MAF: variants seen among roughly 807,000 people sequenced by gnomAD.
The protein encoded by MAF is MAF bZIP transcription factor.
MAF carries 10 observed loss-of-function variants against 22.0 expected under a neutral mutation model. The observed-to-expected ratio is 0.45, with a 90% confidence interval of 0.28 to 0.77. The LOEUF is 0.77. Among genes scored for constraint, MAF ranks in the 30% least tolerant of loss-of-function variants. The pLI is 0.12. For missense variants in MAF, 544 were observed against 548.4 expected, an observed-to-expected ratio of 0.99 and a Z score of 0.08; for synonymous variants, 337 against 255.8, an observed-to-expected ratio of 1.32 and a Z score of -3.03.
chr16:79,517,821 C>T, the MAF span, among the ~76,000 whole-genome samples: 5 of 152,180 alleles, frequency 3.3e-5, no homozygotes, highest in Admixed American at 6.5e-5. Flanking sequence ...GTGTTCCACC[C>T]GCCTCGGCCT....
chr16:79,497,421 C>T, the MAF span, among the ~76,000 whole-genome samples: 1 of 152,328 alleles, frequency 6.6e-6, no homozygotes, highest in East Asian at 1.9e-4. Flanking sequence ...GCTGTGAGTG[C>T]CTCCCAGGAG....
chr16:79,497,216 G>A, the MAF span, among the ~76,000 whole-genome samples: 2 of 151,990 alleles, frequency 1.3e-5, no homozygotes, highest in African/African-American at 2.4e-5. Flanking sequence ...CCTTGCCTCC[G>A]AATCCTCATA....
chr16:79,359,292 T>G, the MAF span, among the ~76,000 whole-genome samples: 4 of 152,282 alleles, frequency 2.6e-5, no homozygotes, highest in South Asian at 8.3e-4. Context: ...TCTCAGGAAG[T>G]GATGGTGATG....
At chr16:79,570,222 C>T in the MAF span, among the ~76,000 whole-genome samples, 1 of 152,076 alleles carries the variant, frequency 6.6e-6, no homozygotes, top group Admixed American at 6.6e-5. Flanking sequence ...TTCTTTCTAA[C>T]ACTACCTAAG....
chr16:79,400,636 A>G, the MAF span, among the ~76,000 whole-genome samples: 1 of 152,208 alleles, frequency 6.6e-6, no homozygotes, highest in Admixed American at 6.5e-5. Flanking sequence ...ATCTGTGATC[A>G]AGCATCTCCT....
chr16:79,492,202 C>A, the MAF span, among the ~76,000 whole-genome samples: 1 of 152,154 alleles, frequency 6.6e-6, no homozygotes, highest in Non-Finnish European at 1.5e-5. Flanking sequence ...CCTCTCAGAC[C>A]ACACATGAAG....
At chr16:79,487,759 G>T in the MAF span, among the ~76,000 whole-genome samples, 1 of 152,170 alleles carries the variant, frequency 6.6e-6, no homozygotes, top group Admixed American at 6.5e-5. Flanking sequence ...TACATCCTTG[G>T]CCAGGACCCT....
chr16:79,223,377 AT>A, the MAF span, among the ~76,000 whole-genome samples: 1 of 152,132 alleles, frequency 6.6e-6, no homozygotes, highest in Non-Finnish European at 1.5e-5. Context: ...GTAGAGGGAA[AT>A]TTATAGCACT....
At chr16:79,225,391 C>T in the MAF span, among the ~76,000 whole-genome samples, 1 of 152,136 alleles carries the variant, frequency 6.6e-6, no homozygotes. Flanking sequence ...AAACATAAGA[C>T]CTAAAACCAT....
downstream of MAF, among the ~76,000 whole-genome samples, chr16:79,593,682 T>C (rs1486295812): frequency 6.6e-6 from 1 of 152,146 alleles, no homozygotes; most frequent in South Asian, 2.1e-4. Context: ...CTATTTGATG[T>C]CAATATATTA....
At chr16:79,450,658 T>C in the MAF span, among the ~76,000 whole-genome samples, 1 of 152,208 alleles carries the variant, frequency 6.6e-6, no homozygotes, top group South Asian at 2.1e-4. Context: ...GCTATTATTT[T>C]GTCTGACTGT....
chr16:79,480,318 G>A, the MAF span, among the ~76,000 whole-genome samples: 2 of 118,182 alleles, frequency 1.7e-5, no homozygotes, highest in East Asian at 2.1e-4. Flanking sequence ...CAGCTGAGTT[G>A]AAATACAATT....
the MAF span, among the ~76,000 whole-genome samples, chr16:79,319,730 C>A: frequency 2.6e-5 from 4 of 152,140 alleles, no homozygotes; most frequent in African/African-American, 9.7e-5. Context: ...TGCTAAGGAC[C>A]ATTTGTGGGC....
At chr16:79,455,415 C>G in the MAF span, among the ~76,000 whole-genome samples, 1 of 152,150 alleles carries the variant, frequency 6.6e-6, no homozygotes, top group Non-Finnish European at 1.5e-5. Context: ...GTCCCCAGCC[C>G]TAGTCTAAAC....
chr16:79,210,091 A>T, the MAF span, among the ~76,000 whole-genome samples: 1 of 152,214 alleles, frequency 6.6e-6, no homozygotes, highest in African/African-American at 2.4e-5. Context: ...ATCATCAAGC[A>T]GCCAGTTATT....
the MAF span, among the ~76,000 whole-genome samples, chr16:79,359,996 T>C: frequency 7.2e-5 from 11 of 152,038 alleles, no homozygotes; most frequent in African/African-American, 2.2e-4. Context: ...TTGTTCTGAG[T>C]AGGACCAGAG....
chr16:79,394,966 A>G, the MAF span, among the ~76,000 whole-genome samples: 2 of 152,220 alleles, frequency 1.3e-5, no homozygotes, highest in Non-Finnish European at 2.9e-5. Flanking sequence ...TATAGCACAG[A>G]GCATATAGCA....
At chr16:79,347,437 T>G in the MAF span, among the ~76,000 whole-genome samples, 2 of 152,176 alleles carry the variant, frequency 1.3e-5, no homozygotes, top group African/African-American at 4.8e-5. Context: ...GAGCATCGGC[T>G]CCAAACCCAA....
At chr16:79,363,919 G>A in the MAF span, among the ~76,000 whole-genome samples, 1,269 of 152,304 alleles carry the variant, frequency 8.3e-3, 10 homozygotes, top group African/African-American at 0.029. Context: ...TAGTTGAGTT[G>A]GAGGGACGGT....
Sources: gnomAD v4.1 joint callset for allele counts (sites outside exome capture counted in the v4.1 genomes callset) on GRCh38, gnomAD v4.1.1 for gene constraint, MANE v1.5 for transcripts, NCBI Gene and HGNC (gene_info 2026-07-23, HGNC 2026-07-21) for gene names.